SMYD3: variants seen among roughly 807,000 people sequenced by gnomAD.
The protein encoded by SMYD3 is SET and MYND domain containing 3.
Under a neutral mutation model 57.7 loss-of-function variants are expected in SMYD3, and 36 were observed. The ratio of observed to expected loss-of-function variants is 0.62; its 90% CI spans 0.48 to 0.82. The LOEUF is 0.82. SMYD3 is among the 40% of genes least tolerant of loss of function. SMYD3 has a pLI of 0.00. For missense variants in SMYD3, 515 were observed against 538.8 expected (o/e 0.96, Z 0.44); for synonymous variants, 211 against 195.0 (o/e 1.08, Z -0.68).
At position 245,863,856 on chromosome 1, in the gene SMYD3, C is replaced by G; in HGVS notation, c.844G>C (p.Val282Leu). ...AGGGATTCTTGAACTTCCTTCCATA[C>G]TTGCTCATCACCAGTTAGCATATCA... ...DADMLTGDEQ[V>L]WKEVQESLKK... The change falls in exon 9 of 12, where the codon GTA (valine) becomes CTA (leucine). Residue 282 changes from valine (V) to leucine (L), a missense_variant. Val to Leu is a conservative substitution (Grantham distance 32). Transcript: ENST00000490107. 1 of 1,614,202 alleles carries G rather than the reference C, an allele frequency of 6.2e-7. No individual in the cohort carries two copies. Among genetic ancestry groups the G allele is most frequent in the Non-Finnish European group, 8.5e-7 (1 of 1,180,006 alleles).
intron 5 of SMYD3, among the ~76,000 whole-genome samples, chr1:246,088,709 T>G (rs1268800868): frequency 6.6e-6 from 1 of 152,170 alleles, no homozygotes; most frequent in African/African-American, 2.4e-5. Context: ...CATTGATTAG[T>G]GCTTATTTTT....
chr1:246,020,333 A>G (rs2059450144), intron 5 of SMYD3, among the ~76,000 whole-genome samples: 2 of 152,220 alleles, frequency 1.3e-5, no homozygotes, highest in Admixed American at 6.5e-5. Flanking sequence ...TACTAAACAC[A>G]TTGGGGAGGC....
intron 5 of SMYD3, among the ~76,000 whole-genome samples, chr1:246,078,561 T>G (rs1488317571): frequency 6.6e-6 from 1 of 152,210 alleles, no homozygotes. Flanking sequence ...GTCAAGAAGT[T>G]TAGACTTTAT....
chr1:246,034,868 G>A (rs1212677673), intron 5 of SMYD3, among the ~76,000 whole-genome samples: 1 of 152,126 alleles, frequency 6.6e-6, no homozygotes, highest in East Asian at 1.9e-4. Flanking sequence ...CCTGCTGCCA[G>A]ATCCCTGCCG....
rs1558551422 is a variant in SMYD3 at position 245,977,048 on chromosome 1, C to CA, written c.532-47112_532-47111insT. On this transcript the variant is annotated intron_variant, in intron 5 of 11. Coordinates refer to ENST00000490107, the MANE Select transcript of SMYD3 (RefSeq NM_001167740.2). ...CTAGCCCAGGGAAAGCCATCGTCTCCGGCCCAGGGAAAGCCATCGTCTCTA... is the reference window on the plus strand; with the variant it reads ...CTAGCCCAGGGAAAGCCATCGTCTCCAGGCCCAGGGAAAGCCATCGTCTCTA... Among the ~76,000 whole-genome samples, 9 of 9,884 alleles carry CA rather than the reference C, an allele frequency of 9.1e-4. 1 individual carries two copies. Among genetic ancestry groups the CA allele is most frequent in the Non-Finnish European group, 2.7e-3 (5 of 1,862 alleles). 6.5% of individuals were successfully genotyped at this position (9,884 alleles called of 152,430 possible). A position where few individuals can be genotyped will look rare whatever the true frequency, so the allele number is the denominator to read the frequency against.
intron 5 of SMYD3, among the ~76,000 whole-genome samples, chr1:246,098,385 G>C (rs1034372069): frequency 6.6e-6 from 1 of 152,162 alleles, no homozygotes; most frequent in Non-Finnish European, 1.5e-5. Flanking sequence ...TGTGTGAAGA[G>C]GGTTCAGAGA....
chr1:246,004,384 T>C (rs374819039), intron 5 of SMYD3, among the ~76,000 whole-genome samples: 1 of 152,202 alleles, frequency 6.6e-6, no homozygotes, highest in African/African-American at 2.4e-5. Flanking sequence ...GATGGAATTC[T>C]GCCAGCCACA....
chr1:246,077,896 A>C lies in SMYD3; in HGVS notation c.532-147959T>G, dbSNP rs1447984844. Among the ~76,000 whole-genome samples the C allele has an allele frequency of 2.6e-5, 4 of 152,284 alleles. No homozygotes were observed. In the East Asian group the frequency reaches 7.7e-4, roughly 29 times the overall value. ...ACATTCTCATTTTTAAAAAGAAAAC[A>C]ATCGTTTGTCAAATAAAAACAAAAT... On this transcript the variant is annotated intron_variant, in intron 5 of 11. Transcript: ENST00000490107.
chr1:246,171,569 A>C (rs2062334000), intron 5 of SMYD3, among the ~76,000 whole-genome samples: 1 of 152,176 alleles, frequency 6.6e-6, no homozygotes, highest in South Asian at 2.1e-4. Flanking sequence ...ACAGTCTACT[A>C]CACACCTGGG....
chr1:246,199,921 T>G (rs1162397452), intron 5 of SMYD3, among the ~76,000 whole-genome samples: 2 of 151,972 alleles, frequency 1.3e-5, no homozygotes, highest in African/African-American at 4.8e-5. Context: ...TGAGCAAGAA[T>G]GTACACAGAT....
intron 5 of SMYD3, among the ~76,000 whole-genome samples, chr1:246,235,412 G>C (rs781289510): frequency 1.3e-5 from 2 of 152,166 alleles, no homozygotes; most frequent in African/African-American, 4.8e-5. Context: ...GGAGAATGCA[G>C]AATTATAAAA....
chr1:246,336,675 C>T lies in SMYD3; in HGVS notation c.229-1201G>A, dbSNP rs1241623021. Among the ~76,000 whole-genome samples the T allele has an allele frequency of 5.9e-5, 9 of 152,112 alleles. No homozygotes were observed. The South Asian group carries it at 1.7e-3, about 28-fold the overall frequency. On this transcript the variant is annotated intron_variant, in intron 2 of 11. Coordinates refer to ENST00000490107, the MANE Select transcript of SMYD3 (RefSeq NM_001167740.2). ...ACATGGCTAAGCAAATAACGAAGCA[C>T]GTTTCACTTGATTTTCGTAACAATC...
At chr1:246,369,533 T>C (rs1051640189) in intron 1 of SMYD3, among the ~76,000 whole-genome samples, 1 of 151,598 alleles carries the variant, frequency 6.6e-6, no homozygotes, top group Non-Finnish European at 1.5e-5. Context: ...TTTTTCTTTC[T>C]TTTTTATTTT....
chr1:245,757,892 C>T (rs1432441407), intron 11 of SMYD3, among the ~76,000 whole-genome samples: 1 of 151,986 alleles, frequency 6.6e-6, no homozygotes, highest in Non-Finnish European at 1.5e-5. Flanking sequence ...TTCAAGACTG[C>T]TTTTGGCTAT....
At chr1:246,255,383 T>A (rs1420130056) in intron 5 of SMYD3, among the ~76,000 whole-genome samples, 1 of 151,628 alleles carries the variant, frequency 6.6e-6, no homozygotes, top group African/African-American at 2.4e-5. Flanking sequence ...GTTTTTATCA[T>A]GAGGGGATTT....
At chr1:246,215,187 C>T (rs895759151) in intron 5 of SMYD3, among the ~76,000 whole-genome samples, 1 of 152,022 alleles carries the variant, frequency 6.6e-6, no homozygotes, top group Non-Finnish European at 1.5e-5. Context: ...AATGGAGATC[C>T]GGACAGTAAT....
chr1:246,174,179 A>T (rs2062393842), intron 5 of SMYD3, among the ~76,000 whole-genome samples: 1 of 152,098 alleles, frequency 6.6e-6, no homozygotes, highest in African/African-American at 2.4e-5. Context: ...TAAATATATA[A>T]ACGAGCAACA....
intron 5 of SMYD3, among the ~76,000 whole-genome samples, chr1:245,970,419 A>C (rs2148024527): frequency 6.6e-6 from 1 of 152,350 alleles, no homozygotes; most frequent in Non-Finnish European, 1.5e-5. Context: ...TTCATGTCTA[A>C]AACACCAAAA....
intron 5 of SMYD3, among the ~76,000 whole-genome samples, chr1:246,123,727 T>C (rs2148035965): frequency 6.6e-6 from 1 of 152,322 alleles, no homozygotes; most frequent in South Asian, 2.1e-4. Flanking sequence ...CATGCTTGTA[T>C]TGTTTTACAT....
Sources: gnomAD v4.1 joint callset for allele counts (sites outside exome capture counted in the v4.1 genomes callset) on GRCh38, gnomAD v4.1.1 for gene constraint, MANE v1.5 for transcripts, NCBI Gene and HGNC (gene_info 2026-07-23, HGNC 2026-07-21) for gene names.